AKT3: variants seen among roughly 807,000 people sequenced by gnomAD.
AKT3 encodes AKT serine/threonine kinase 3.
Under a neutral mutation model 65.3 loss-of-function variants are expected in AKT3, and 15 were observed. The observed-to-expected ratio is 0.23, with a 90% CI of 0.15 to 0.35. The LOEUF is 0.35. Ranked by LOEUF, AKT3 falls within the 10% of genes least tolerant of loss-of-function variation. AKT3 has a pLI of 1.00. For missense variants in AKT3, 243 were observed against 576.5 expected, an observed-to-expected ratio of 0.42 and a Z score of 5.92; for synonymous variants, 206 against 183.8, an observed-to-expected ratio of 1.12 and a Z score of -0.98.
chr1:243,568,723 T>C (rs1337605437), intron 9 of AKT3, among the ~76,000 whole-genome samples: 1 of 152,192 alleles, frequency 6.6e-6, no homozygotes, highest in Non-Finnish European at 1.5e-5. Context: ...CCTTTTACAT[T>C]TCACAGTAAA....
chr1:243,671,783 T>C (rs1284968409), intron 3 of AKT3, among the ~76,000 whole-genome samples: 1 of 152,202 alleles, frequency 6.6e-6, no homozygotes, highest in Admixed American at 6.5e-5. Context: ...ATTTTCTAAA[T>C]GAGCAAATTT....
chr1:243,554,653 ATC>A (rs1472654270), intron 10 of AKT3, among the ~76,000 whole-genome samples: 4 of 152,208 alleles, frequency 2.6e-5, no homozygotes, highest in Non-Finnish European at 5.9e-5. Flanking sequence ...GTGGGCCTTT[ATC>A]TAATTGACAC....
At chr1:243,697,560 G>A (rs894458186) in intron 2 of AKT3, among the ~76,000 whole-genome samples, 1 of 152,006 alleles carries the variant, frequency 6.6e-6, no homozygotes, top group Admixed American at 6.6e-5. Context: ...GATCTATACT[G>A]GACTTTGAAT....
intron 2 of AKT3, among the ~76,000 whole-genome samples, chr1:243,768,970 A>G (rs950013877): frequency 6.6e-6 from 1 of 151,576 alleles, no homozygotes; most frequent in Non-Finnish European, 1.5e-5. Flanking sequence ...ATCGCCCCAA[A>G]TATAAATCCA....
chr1:243,802,762 C>T (rs1000169050), intron 2 of AKT3, among the ~76,000 whole-genome samples: 6 of 152,174 alleles, frequency 3.9e-5, no homozygotes, highest in African/African-American at 1.4e-4. Context: ...TGGTTGCATA[C>T]AGTTGGTTAC....
chr1:243,531,774 CTTCTT>C lies in AKT3; in HGVS notation c.1251+13731_1251+13735del, dbSNP rs1374467085. ...GAGATGTCTTTCCATTCATTTATGTCTTCTTTTATTTCTTTCAGCAATGTTTTGTA... is the reference window on the plus strand; with the variant it reads ...GAGATGTCTTTCCATTCATTTATGTCTTATTTCTTTCAGCAATGTTTTGTA... On this transcript the variant is annotated intron_variant, in intron 12 of 13. Coordinates refer to ENST00000673466, the MANE Select transcript of AKT3 (RefSeq NM_005465.7). 4.6e-5 allele frequency among the ~76,000 whole-genome samples: 7 copies of C among 152,014 alleles called. No individual in the cohort carries two copies. The East Asian group carries it at 1.4e-3, about 29-fold the overall frequency.
chr1:243,620,491 T>C (rs1452011540), intron 6 of AKT3, among the ~76,000 whole-genome samples: 1 of 147,068 alleles, frequency 6.8e-6, no homozygotes, highest in Non-Finnish European at 1.5e-5. Flanking sequence ...ACTTTTCCAC[T>C]GTCTCAACAA....
intron 4 of AKT3, among the ~76,000 whole-genome samples, chr1:243,655,807 C>T (rs990628023): frequency 2.0e-4 from 31 of 152,082 alleles, no homozygotes; most frequent in Admixed American, 4.6e-4. Flanking sequence ...CAAAATATCA[C>T]TCCCAGCTCT....
In AKT3 at chr1:243,745,199, G is replaced by A. The variant is rs546568327; in HGVS notation, c.47-49483C>T. ...CGGAAAATTTAAAAATTAGCCCGGC[G>A]TGGTGGTGTGCACCTGTACAGTCCC... On this transcript the variant is annotated intron_variant, in intron 2 of 13. Coordinates refer to ENST00000673466, the MANE Select transcript of AKT3 (RefSeq NM_005465.7). Among the ~76,000 whole-genome samples the A allele has an allele frequency of 2.5e-3, 374 of 152,070 alleles. 2 individuals are homozygous for A. Among genetic ancestry groups the A allele is most frequent in the African/African-American group, 8.7e-3 (362 of 41,474 alleles).
At chr1:243,631,334 C>T (rs916620162) in intron 6 of AKT3, among the ~76,000 whole-genome samples, 8 of 152,146 alleles carry the variant, frequency 5.3e-5, no homozygotes, top group African/African-American at 1.7e-4. Flanking sequence ...TTTTTTGAGA[C>T]GAAGTCTTGC....
chr1:243,772,630 G>T (rs563746808), intron 2 of AKT3, among the ~76,000 whole-genome samples: 1 of 152,196 alleles, frequency 6.6e-6, no homozygotes, highest in African/African-American at 2.4e-5. Flanking sequence ...ACAGTGTGGC[G>T]ATTCCTCAGA....
intron 2 of AKT3, among the ~76,000 whole-genome samples, chr1:243,820,031 G>A (rs977714836): frequency 2.0e-5 from 3 of 152,186 alleles, no homozygotes; most frequent in African/African-American, 7.2e-5. Context: ...CAATTCTCCT[G>A]CCTCAGCCTC....
chr1:243,622,581 T>C (rs1160780215), intron 6 of AKT3, among the ~76,000 whole-genome samples: 1 of 152,204 alleles, frequency 6.6e-6, no homozygotes, highest in African/African-American at 2.4e-5. Context: ...CATATATTTA[T>C]TGAAATAATG....
chr1:243,833,338 T>G (rs1469097902), intron 2 of AKT3, among the ~76,000 whole-genome samples: 1 of 152,036 alleles, frequency 6.6e-6, no homozygotes, highest in African/African-American at 2.4e-5. Flanking sequence ...TCAGCATGGC[T>G]AGGGAGGCTT....
At chr1:243,739,512 A>G (rs894455657) in intron 2 of AKT3, 1 of 152,190 alleles carries the variant, frequency 6.6e-6, no homozygotes, top group African/African-American at 2.4e-5. Context: ...ACTCCTCATC[A>G]CACTAGTTAC....
intron 11 of AKT3, among the ~76,000 whole-genome samples, chr1:243,550,819 TGTG>T (rs1673008299): frequency 1.1e-5 from 1 of 94,022 alleles, no homozygotes; most frequent in Non-Finnish European, 2.1e-5. Flanking sequence ...AAAAGCCAGG[TGTG>T]GTGGCAGGCG....
Position 243,500,051 on chromosome 1 carries a change from AG to A in AKT3, c.*5197del. ...GTTTAAATCTGCTCATTCGTATGCTAGGTTATACATATGATTTTCAATAAAT... is the reference window on the plus strand; with the variant it reads ...GTTTAAATCTGCTCATTCGTATGCTAGTTATACATATGATTTTCAATAAAT... On this transcript the variant is annotated 3_prime_UTR_variant, in exon 14 of 14. Coordinates refer to ENST00000673466, the MANE Select transcript of AKT3 (RefSeq NM_005465.7). 1 of 499,128 alleles carries A rather than the reference AG, an allele frequency of 2.0e-6. No individual in the cohort carries two copies. 30.9% of individuals were successfully genotyped at this position (499,128 alleles called of 1,614,324 possible).
chr1:243,644,693 G>A (rs575953527), intron 5 of AKT3, among the ~76,000 whole-genome samples: 1 of 152,198 alleles, frequency 6.6e-6, no homozygotes, highest in South Asian at 2.1e-4. Context: ...TCTCCAAAAA[G>A]AAAAATCCAT....
At chr1:243,791,871 T>C (rs1250650315) in intron 2 of AKT3, among the ~76,000 whole-genome samples, 2 of 152,252 alleles carry the variant, frequency 1.3e-5, no homozygotes, top group Admixed American at 6.5e-5. Flanking sequence ...TAAAGTGTTA[T>C]GCACTTAAAA....
Sources: gnomAD v4.1 joint callset for allele counts (sites outside exome capture counted in the v4.1 genomes callset) on GRCh38, gnomAD v4.1.1 for gene constraint, MANE v1.5 for transcripts, NCBI Gene and HGNC (gene_info 2026-07-23, HGNC 2026-07-21) for gene names.